Variants in SMCHD1 observed in about 807,000 individuals in gnomAD.
The protein encoded by SMCHD1 is structural maintenance of chromosomes flexible hinge domain containing 1.
Under a neutral mutation model 254.7 loss-of-function variants are expected in SMCHD1, and 78 were observed. That is an observed-to-expected ratio of 0.31 (90% CI 0.26 to 0.37). SMCHD1 has a LOEUF of 0.37. Among genes scored for constraint, SMCHD1 ranks in the 10% least tolerant of loss-of-function variants. The pLI is 1.00. For missense variants in SMCHD1, 1,840 were observed against 2,408.1 expected (o/e 0.76, Z 4.94); for synonymous variants, 766 against 794.9 (o/e 0.96, Z 0.61).
At chr18:2,730,715 A>T (rs1416101551) in intron 24 of SMCHD1, among the ~76,000 whole-genome samples, 1 of 152,218 alleles carries the variant, frequency 6.6e-6, no homozygotes, top group African/African-American at 2.4e-5. Context: ...TGATTAACTC[A>T]TACTTTCCTA....
At chr18:2,728,895 T>C in intron 23 of SMCHD1, 1 of 263,168 alleles carries the variant, frequency 3.8e-6, no homozygotes, top group African/African-American at 2.2e-5. Context: ...TCTTTCAGGA[T>C]TGGGAATGGG....
intron 1 of SMCHD1, among the ~76,000 whole-genome samples, chr18:2,659,184 C>T (rs2073170586): frequency 6.6e-6 from 1 of 152,198 alleles, no homozygotes; most frequent in Admixed American, 6.5e-5. Flanking sequence ...GTGGTGCCAT[C>T]TTGGCTTACT....
chr18:2,788,868 G>C (rs959251614), intron 45 of SMCHD1, among the ~76,000 whole-genome samples: 4 of 152,132 alleles, frequency 2.6e-5, no homozygotes, highest in Non-Finnish European at 5.9e-5. Flanking sequence ...AAAGTGCTAG[G>C]ATTACAATGT....
intron 34 of SMCHD1, among the ~76,000 whole-genome samples, chr18:2,754,030 AT>A (rs1320672338): frequency 2.0e-5 from 3 of 152,006 alleles, no homozygotes; most frequent in African/African-American, 7.2e-5. Context: ...CTTTTGTATT[AT>A]TTTTTATATT....
At chr18:2,671,831 C>T (rs1228083783) in intron 3 of SMCHD1, among the ~76,000 whole-genome samples, 1 of 152,016 alleles carries the variant, frequency 6.6e-6, no homozygotes, top group Admixed American at 6.5e-5. Context: ...ATCTTCTGAC[C>T]TGAAGATCCG....
rs866911048 is a variant in SMCHD1 at position 2,703,147 on chromosome 18, C to T, written c.1648-545C>T. ...AAGTACATTTTGCATAGCAGTGTTT[C>T]TCAACCTTTTTTCGTTATCACCCTC... is the stretch of plus-strand genomic sequence containing the variant. On this transcript the variant is annotated intron_variant, in intron 12 of 47. Transcript: ENST00000320876. Among the ~76,000 whole-genome samples, 3 of 152,292 alleles carry T rather than the reference C, an allele frequency of 2.0e-5. No individual in the cohort carries two copies. In the South Asian group the frequency reaches 6.2e-4, roughly 32 times the overall value.
At chr18:2,672,760 A>C (rs533146968) in intron 3 of SMCHD1, among the ~76,000 whole-genome samples, 1 of 152,340 alleles carries the variant, frequency 6.6e-6, no homozygotes, top group South Asian at 2.1e-4. Flanking sequence ...AGTTGAACAG[A>C]TGTATTCTGC....
At chr18:2,707,495 C>T (rs902362572) in intron 15 of SMCHD1, 68 bp from the exon 16 acceptor site, 30 of 896,812 alleles carry the variant, frequency 3.3e-5, no homozygotes, top group African/African-American at 2.1e-4. Context: ...TCTAATAACT[C>T]GTATCTTTTT....
chr18:2,716,303 C>T (rs2074798786), intron 17 of SMCHD1, among the ~76,000 whole-genome samples: 1 of 152,180 alleles, frequency 6.6e-6, no homozygotes, highest in South Asian at 2.1e-4. Context: ...TGGTGCAGAG[C>T]TTGTCTCCTT....
intron 42 of SMCHD1, among the ~76,000 whole-genome samples, 196 bp downstream of exon 42, chr18:2,776,120 A>G (rs773833251): frequency 3.9e-5 from 6 of 152,226 alleles, no homozygotes; most frequent in Non-Finnish European, 7.3e-5. Flanking sequence ...TGCCAATTAA[A>G]TATTATTTGT....
At chr18:2,703,667 C>A (rs1450071151) in intron 12 of SMCHD1, 25 bp from the exon 13 acceptor site, 1 of 1,579,326 alleles carries the variant, frequency 6.3e-7, no homozygotes, top group Non-Finnish European at 8.6e-7. Context: ...AGCTATATTT[C>A]ATAAAACATT....
chr18:2,777,338 T>C (rs1171443230), intron 42 of SMCHD1, among the ~76,000 whole-genome samples: 1 of 152,198 alleles, frequency 6.6e-6, no homozygotes, highest in East Asian at 1.9e-4. Context: ...TGAAATTCCA[T>C]TGTTATCATC....
At chr18:2,664,356 T>C (rs2439769) in intron 1 of SMCHD1, among the ~76,000 whole-genome samples, 26,530 of 143,992 alleles carry the variant, frequency 0.18, 5,704 homozygotes, top group African/African-American at 0.52. Flanking sequence ...TCACATTAAA[T>C]TTGTTTTTTT....
chr18:2,803,281 T>TA lies in SMCHD1; in HGVS notation c.*729_*730insA, dbSNP rs1409408860. On this transcript the variant is annotated 3_prime_UTR_variant, in exon 48 of 48. Transcript: ENST00000320876. ...TATAACTATTGTTTGTTTGACTTTA[T>TA]TAATACTAGAATATGTAGTCTCAGC... 2 of 149,880 alleles carry TA rather than the reference T, an allele frequency of 1.3e-5. No homozygotes were observed. Among genetic ancestry groups the TA allele is most frequent in the Admixed American group, 1.3e-4 (2 of 14,984 alleles). 9.3% of individuals were successfully genotyped at this position (149,880 alleles called of 1,614,324 possible). A position where few individuals can be genotyped will look rare whatever the true frequency, so the allele number is the denominator to read the frequency against.
At chr18:2,781,755 T>A (rs1185768305) in intron 44 of SMCHD1, among the ~76,000 whole-genome samples, 1 of 152,054 alleles carries the variant, frequency 6.6e-6, no homozygotes, top group Non-Finnish European at 1.5e-5. Context: ...GTTTAACATC[T>A]TAAGAATTTG....
At chr18:2,666,257 G>A (rs634246) in intron 2 of SMCHD1, 25 bp downstream of exon 2, 3 of 1,118,150 alleles carry the variant, frequency 2.7e-6, no homozygotes, top group Admixed American at 4.1e-5. Flanking sequence ...TTACTAAGTT[G>A]ATGCTTTTAT....
intron 3 of SMCHD1, among the ~76,000 whole-genome samples, chr18:2,670,998 G>A (rs1250520784): frequency 2.0e-5 from 3 of 147,960 alleles, no homozygotes; most frequent in Non-Finnish European, 3.0e-5. Context: ...GTGCAATGGC[G>A]TGATCTCGGC....
rs1405560459 is a variant in SMCHD1, at chr18:2,796,027, T to A, written c.5798T>A (p.Leu1933His). 14 of 1,593,922 alleles carry A rather than the reference T, an allele frequency of 8.8e-6. No individual in the cohort carries two copies. Among genetic ancestry groups the A allele is most frequent in the Non-Finnish European group, 1.2e-5 (14 of 1,169,784 alleles). Residue 1933 changes from leucine (L) to histidine (H), a missense_variant, in exon 46 of 48, where the codon CTT (leucine) becomes CAT (histidine). Around this residue, in one of 9 missense-constraint regions of SMCHD1, gnomAD observed 132 missense variants for 138.2 expected, o/e 0.95. Coordinates refer to ENST00000320876, the MANE Select transcript of SMCHD1 (RefSeq NM_015295.3). ...NKDLNSQLEY[L>H]RTPDMRKKKQ... The stretch of plus-strand genomic sequence containing the variant: ...GATCTTAACAGTCAATTAGAGTACC[T>A]TCGCACTCCGGATATGAGGAAGAAA...
intron 45 of SMCHD1, among the ~76,000 whole-genome samples, chr18:2,789,489 T>C (rs902786743): frequency 2.1e-5 from 3 of 145,630 alleles, no homozygotes; most frequent in African/African-American, 7.7e-5. Context: ...ACCTGTGGAA[T>C]GAAAAGAAAA....
Sources: allele counts gnomAD v4.1 joint callset (sites outside exome capture counted in the v4.1 genomes callset), GRCh38; gene constraint gnomAD v4.1.1; regional missense constraint gnomAD v4.1.1; transcripts MANE v1.5; gene names NCBI Gene and HGNC (gene_info 2026-07-23, HGNC 2026-07-21).